NBEA: variants seen among roughly 807,000 people sequenced by gnomAD.
The protein encoded by NBEA is lysosomal-trafficking regulator 2.
Under a neutral mutation model 343.4 loss-of-function variants are expected in NBEA, and 44 were observed. The observed-to-expected ratio is 0.13, with a 90% CI of 0.10 to 0.16. The LOEUF is 0.16. NBEA is among the 10% of genes least tolerant of loss of function. The pLI, the probability that NBEA is intolerant of heterozygous loss-of-function variation, is 1.00. For missense variants in NBEA, 2,555 were observed against 3,631.3 expected (o/e 0.70, Z 7.62); for synonymous variants, 1,175 against 1,238.7 (o/e 0.95, Z 1.08).
chr13:35,110,274 C>T (rs2152658241), intron 12 of NBEA, among the ~76,000 whole-genome samples: 1 of 146,660 alleles, frequency 6.8e-6, no homozygotes, highest in Admixed American at 7.1e-5. Flanking sequence ...TTTGACAACT[C>T]TTTTAACCAA....
chr13:35,492,871 C>T (rs144636453), intron 41 of NBEA, among the ~76,000 whole-genome samples: 16 of 151,860 alleles, frequency 1.1e-4, no homozygotes, highest in African/African-American at 2.4e-4. Flanking sequence ...TGGGAGATAA[C>T]GATGCTGAAT....
chr13:35,514,256 G>C (rs1027760167), intron 41 of NBEA, among the ~76,000 whole-genome samples: 3 of 152,200 alleles, frequency 2.0e-5, no homozygotes, highest in Non-Finnish European at 4.4e-5. Flanking sequence ...ATTTGCTGAT[G>C]TGAAATGACG....
intron 38 of NBEA, among the ~76,000 whole-genome samples, chr13:35,414,903 A>G (rs548413299): frequency 2.0e-4 from 30 of 152,192 alleles, no homozygotes; most frequent in Admixed American, 1.3e-4. Flanking sequence ...TTGTTTCCTG[A>G]CTTGATTCAA....
chr13:35,227,917 A>G (rs894051764), intron 33 of NBEA, among the ~76,000 whole-genome samples: 6 of 151,858 alleles, frequency 4.0e-5, no homozygotes, highest in African/African-American at 1.2e-4. Context: ...GTTATGAACT[A>G]TGTTTATAAG....
chr13:35,098,442 T>C, intron 11 of NBEA, 37 bp downstream of exon 11: 1 of 1,426,346 alleles, frequency 7.0e-7, no homozygotes, highest in Non-Finnish European at 9.7e-7. Context: ...TTGTGTAGCT[T>C]CACAGTTGGA....
At chr13:35,200,616 T>C (rs1489031332) in intron 31 of NBEA, among the ~76,000 whole-genome samples, 1 of 151,934 alleles carries the variant, frequency 6.6e-6, no homozygotes, top group African/African-American at 2.4e-5. Context: ...CTTTTTCAGA[T>C]TTTGCAAACC....
At chr13:35,402,641 A>T (rs1202902058) in intron 38 of NBEA, among the ~76,000 whole-genome samples, 1 of 152,170 alleles carries the variant, frequency 6.6e-6, no homozygotes, top group Non-Finnish European at 1.5e-5. Flanking sequence ...GTAAATAGGA[A>T]GTTAATTGTA....
chr13:35,117,521 A>G, intron 14 of NBEA, 28 bp downstream of exon 14: 1 of 1,086,310 alleles, frequency 9.2e-7, no homozygotes, highest in Non-Finnish European at 1.2e-6. Flanking sequence ...AATTTAAAAT[A>G]ATAGTATATT....
chr13:35,495,943 A>C (rs979835619), intron 41 of NBEA, among the ~76,000 whole-genome samples: 4 of 152,016 alleles, frequency 2.6e-5, no homozygotes, highest in Admixed American at 6.6e-5. Context: ...TACCCAACTA[A>C]GGAGTCTAAT....
chr13:35,139,219 C>T (rs955736634), intron 17 of NBEA, among the ~76,000 whole-genome samples: 1 of 151,896 alleles, frequency 6.6e-6, no homozygotes, highest in African/African-American at 2.4e-5. Context: ...TGCCACCACA[C>T]CTAGCTAATT....
rs570373011 is a variant in NBEA at position 35,091,849 on chromosome 13, A to G, written c.1572-6448A>G. Among the ~76,000 whole-genome samples the G allele has an allele frequency of 3.9e-5, 6 of 152,154 alleles. No individual in the cohort carries two copies. In the South Asian group the frequency reaches 1.2e-3, roughly 32 times the overall value. On this transcript the variant is annotated intron_variant, in intron 10 of 58. Transcript: ENST00000379939. ...CATGGACTTAACATATAAAGATGTC[A>G]TTAAATTGGTAGATACATGTAACAT...
At chr13:35,186,598 T>G (rs555889628) in intron 30 of NBEA, 10 of 152,188 alleles carry the variant, frequency 6.6e-5, no homozygotes, top group African/African-American at 2.4e-4. Context: ...CAAAAACAAT[T>G]TAAGTATTTA....
chr13:35,236,127 G>T (rs939186237), intron 34 of NBEA, among the ~76,000 whole-genome samples: 2 of 151,920 alleles, frequency 1.3e-5, no homozygotes. Flanking sequence ...TTTGAGTTTT[G>T]CTTTTTAAAT....
At position 35,215,225 on chromosome 13, in the gene NBEA, A is replaced by T. The variant is rs2074000436; in HGVS notation, c.5648+4046A>T. Among the ~76,000 whole-genome samples the T allele has an allele frequency of 2.0e-5, 3 of 151,782 alleles. No homozygotes were observed. In the South Asian group the frequency reaches 6.2e-4, roughly 31 times the overall value. ...TAATTACAACTCTGTTGAACCTTTT[A>T]ATTTGAGGAGACTCTTCATCATAAT... On this transcript the variant is annotated intron_variant, in intron 33 of 58. Coordinates refer to ENST00000379939, the MANE Select transcript of NBEA (RefSeq NM_001385012.1).
At chr13:35,453,159 C>G (rs2046389897) in intron 40 of NBEA, among the ~76,000 whole-genome samples, 1 of 152,146 alleles carries the variant, frequency 6.6e-6, no homozygotes, top group Admixed American at 6.5e-5. Flanking sequence ...ATGAAAGTCT[C>G]TAGTGATTTC....
intron 34 of NBEA, chr13:35,251,606 A>G: frequency 1.7e-6 from 2 of 1,202,894 alleles, no homozygotes; most frequent in Non-Finnish European, 2.1e-6. Context: ...CAGGTAGCTC[A>G]GCGGGAAGCA....
intron 41 of NBEA, among the ~76,000 whole-genome samples, chr13:35,519,400 A>C (rs561668315): frequency 2.6e-4 from 39 of 152,306 alleles, no homozygotes; most frequent in Admixed American, 2.4e-3. Context: ...AGGTGGGATC[A>C]TACAAGTCCC....
At chr13:35,262,139 G>C (rs947533788) in intron 34 of NBEA, among the ~76,000 whole-genome samples, 1 of 152,112 alleles carries the variant, frequency 6.6e-6, no homozygotes, top group African/African-American at 2.4e-5. Flanking sequence ...AAATATATGA[G>C]AATTGCTAAA....
chr13:35,545,228 C>G (rs937669126), intron 41 of NBEA, among the ~76,000 whole-genome samples: 2 of 152,190 alleles, frequency 1.3e-5, no homozygotes, highest in Non-Finnish European at 2.9e-5. Flanking sequence ...ATTCAACTGA[C>G]TGTGATTGAT....
Sources: allele counts gnomAD v4.1 joint callset (sites outside exome capture counted in the v4.1 genomes callset), GRCh38; gene constraint gnomAD v4.1.1; transcripts MANE v1.5; gene names NCBI Gene and HGNC (gene_info 2026-07-23, HGNC 2026-07-21).